LRRC4C: variants seen among roughly 807,000 people sequenced by gnomAD.
LRRC4C encodes the protein leucine-rich repeat-containing protein 4C.
In LRRC4C, 5 loss-of-function variants were observed where a neutral mutation model predicts 33.6. The observed-to-expected ratio is 0.15, with a 90% CI of 0.08 to 0.31. LRRC4C has a LOEUF of 0.31. Among genes scored for constraint, LRRC4C ranks in the 10% least tolerant of loss-of-function variants. LRRC4C has a pLI of 1.00. For missense variants in LRRC4C, 560 were observed against 796.7 expected, an observed-to-expected ratio of 0.70 and a Z score of 3.58; for synonymous variants, 329 against 302.0, an observed-to-expected ratio of 1.09 and a Z score of -0.93.
intron 4 of LRRC4C, among the ~76,000 whole-genome samples, chr11:40,262,420 G>A (rs533194913): frequency 6.6e-6 from 1 of 152,192 alleles, no homozygotes; most frequent in Non-Finnish European, 1.5e-5. Flanking sequence ...GGAAGACAGT[G>A]TGGCGATTCC....
At chr11:41,014,410 T>C (rs1855430983) in intron 1 of LRRC4C, among the ~76,000 whole-genome samples, 1 of 151,880 alleles carries the variant, frequency 6.6e-6, no homozygotes, top group Admixed American at 6.6e-5. Flanking sequence ...CTGCCTAAAA[T>C]AGGAAGCAAT....
chr11:41,226,623 C>T (rs1372199373), intron 1 of LRRC4C, among the ~76,000 whole-genome samples: 1 of 151,900 alleles, frequency 6.6e-6, no homozygotes, highest in Non-Finnish European at 1.5e-5. Flanking sequence ...TTGATTCCAA[C>T]TCCTCCTGTC....
At chr11:41,125,154 G>A (rs950783538) in intron 1 of LRRC4C, among the ~76,000 whole-genome samples, 8 of 152,110 alleles carry the variant, frequency 5.3e-5, no homozygotes, top group Non-Finnish European at 1.2e-4. Flanking sequence ...TGCGGAGTAA[G>A]CAAGACCATC....
intron 3 of LRRC4C, among the ~76,000 whole-genome samples, chr11:40,411,216 A>T (rs1404534836): frequency 6.6e-6 from 1 of 152,120 alleles, no homozygotes; most frequent in Non-Finnish European, 1.5e-5. Flanking sequence ...GCATTAAAAG[A>T]TAACAAAATG....
intron 4 of LRRC4C, among the ~76,000 whole-genome samples, chr11:40,279,285 A>G (rs1943317735): frequency 6.6e-6 from 1 of 152,196 alleles, no homozygotes; most frequent in South Asian, 2.1e-4. Flanking sequence ...TCGAATATGG[A>G]TGGATAAAAA....
intron 3 of LRRC4C, among the ~76,000 whole-genome samples, chr11:40,638,039 C>G (rs1335968338): frequency 6.6e-6 from 1 of 152,164 alleles, no homozygotes; most frequent in African/African-American, 2.4e-5. Flanking sequence ...ACCTTCCTAG[C>G]TTTCTCAGCT....
chr11:41,059,210 G>GTTTTGTTTTTTT, intron 1 of LRRC4C, among the ~76,000 whole-genome samples: 1 of 125,220 alleles, frequency 8.0e-6, no homozygotes, highest in East Asian at 2.6e-4. Context: ...TAAAATAAAA[G>GTTTTGTTTTTTT]TTTTTTTTTT....
At chr11:40,579,132 G>A (rs1958350625) in intron 3 of LRRC4C, among the ~76,000 whole-genome samples, 2 of 152,114 alleles carry the variant, frequency 1.3e-5, no homozygotes, top group Non-Finnish European at 2.9e-5. Context: ...GAGTCCAGGA[G>A]TTCAAGACAG....
At chr11:40,796,108 G>A (rs1376282009) in intron 2 of LRRC4C, among the ~76,000 whole-genome samples, 1 of 152,100 alleles carries the variant, frequency 6.6e-6, no homozygotes, top group Non-Finnish European at 1.5e-5. Context: ...TTATACCCAG[G>A]TTTTGGGGAT....
intron 1 of LRRC4C, among the ~76,000 whole-genome samples, chr11:41,110,995 G>T (rs594429): frequency 0.029 from 4,413 of 152,136 alleles, 235 homozygotes; most frequent in African/African-American, 0.1. Context: ...TTTCTAGGAA[G>T]TTCTCAGAGA....
Position 41,293,658 on chromosome 11 carries a change from C to T in LRRC4C, c.-496+165773G>A, listed in dbSNP as rs114258368. 8.2e-3 allele frequency among the ~76,000 whole-genome samples: 1,241 copies of T among 151,642 alleles called. 25 individuals carry two copies. Among genetic ancestry groups the T allele is most frequent in the African/African-American group, 0.028 (1,174 of 41,318 alleles). ...GTGGCCCAGGCTGGAGTACAATGGC[C>T]GCGATCTTAGCTCACTGCTAACTCT... is the stretch of plus-strand genomic sequence containing the variant. On this transcript the variant is annotated intron_variant, in intron 1 of 6. Coordinates refer to ENST00000528697, the MANE Select transcript of LRRC4C (RefSeq NM_001258419.2).
intron 4 of LRRC4C, among the ~76,000 whole-genome samples, chr11:40,255,546 G>A (rs1867136717): frequency 6.6e-6 from 1 of 152,146 alleles, no homozygotes; most frequent in Non-Finnish European, 1.5e-5. Context: ...AGAGTAATTT[G>A]TTCAGTCCAA....
intron 1 of LRRC4C, among the ~76,000 whole-genome samples, chr11:41,094,126 A>T (rs530269276): frequency 2.0e-5 from 3 of 151,450 alleles, no homozygotes; most frequent in African/African-American, 7.3e-5. Flanking sequence ...GGGGGAAAAA[A>T]AAAAAGTGAC....
At chr11:40,425,333 C>A (rs989818394) in intron 3 of LRRC4C, among the ~76,000 whole-genome samples, 3 of 152,084 alleles carry the variant, frequency 2.0e-5, no homozygotes, top group African/African-American at 7.2e-5. Context: ...ATGAGGTTAG[C>A]CAGCAGGGGG....
At chr11:40,637,089 T>C (rs1389483368) in intron 3 of LRRC4C, among the ~76,000 whole-genome samples, 1 of 152,250 alleles carries the variant, frequency 6.6e-6, no homozygotes, top group Non-Finnish European at 1.5e-5. Flanking sequence ...GGCACTCAGA[T>C]TCTTTAGTTT....
intron 3 of LRRC4C, among the ~76,000 whole-genome samples, chr11:40,453,348 T>A (rs986106263): frequency 3.3e-5 from 5 of 151,948 alleles, no homozygotes; most frequent in Non-Finnish European, 7.4e-5. Context: ...AAAATAAAAA[T>A]AAAAAAATGG....
At chr11:41,134,968 T>C (rs1426220749) in intron 1 of LRRC4C, among the ~76,000 whole-genome samples, 3 of 152,132 alleles carry the variant, frequency 2.0e-5, no homozygotes, top group Non-Finnish European at 2.9e-5. Flanking sequence ...GCTGAGGACA[T>C]AAGGATAAAA....
intron 3 of LRRC4C, among the ~76,000 whole-genome samples, chr11:40,332,919 G>A (rs1946427587): frequency 1.3e-5 from 2 of 152,110 alleles, no homozygotes; most frequent in Non-Finnish European, 2.9e-5. Context: ...ATTAACATTT[G>A]TTTGTTTCTC....
At chr11:40,727,908 G>A (rs986488906) in intron 2 of LRRC4C, among the ~76,000 whole-genome samples, 1 of 151,972 alleles carries the variant, frequency 6.6e-6, no homozygotes, top group Non-Finnish European at 1.5e-5. Flanking sequence ...AATGAGCCGA[G>A]TGTGATAAAA....
Sources: gnomAD v4.1 joint callset for allele counts (sites outside exome capture counted in the v4.1 genomes callset) on GRCh38, gnomAD v4.1.1 for gene constraint, MANE v1.5 for transcripts, NCBI Gene and HGNC (gene_info 2026-07-23, HGNC 2026-07-21) for gene names.